IGSF21: variants seen among roughly 807,000 people sequenced by gnomAD.
IGSF21 encodes the protein immunoglobin superfamily member 21.
In IGSF21, 28 loss-of-function variants were observed where a neutral mutation model predicts 46.8. The observed-to-expected ratio is 0.60, with a 90% CI of 0.44 to 0.82. The LOEUF is 0.82. IGSF21 is among the 40% of genes least tolerant of loss of function. The pLI is 0.00. For missense variants in IGSF21, 624 were observed against 665.5 expected (o/e 0.94, Z 0.69); for synonymous variants, 284 against 273.6 (o/e 1.04, Z -0.38).
intron 1 of IGSF21, among the ~76,000 whole-genome samples, chr1:18,118,464 C>T (rs1015640213): frequency 6.6e-6 from 1 of 152,160 alleles, no homozygotes; most frequent in Non-Finnish European, 1.5e-5. Context: ...CTGGTTTTGT[C>T]GAGTGGGTAT....
At chr1:18,301,813 G>A (rs2085364783) in intron 3 of IGSF21, among the ~76,000 whole-genome samples, 1 of 152,156 alleles carries the variant, frequency 6.6e-6, no homozygotes, top group South Asian at 2.1e-4. Flanking sequence ...ACCTTAAAAA[G>A]AGCCACAGCT....
intron 2 of IGSF21, among the ~76,000 whole-genome samples, chr1:18,288,118 G>A (rs2085233296): frequency 6.6e-6 from 1 of 152,188 alleles, no homozygotes; most frequent in Admixed American, 6.5e-5. Flanking sequence ...ACTGAGACTA[G>A]GGGAGGTGGA....
At chr1:18,236,728 G>A (rs1259021633) in intron 2 of IGSF21, among the ~76,000 whole-genome samples, 1 of 47,742 alleles carries the variant, frequency 2.1e-5, no homozygotes, top group Non-Finnish European at 7.6e-5. Flanking sequence ...TGAAGACGGT[G>A]AGGAGTGGAG....
At chr1:18,272,724 G>A (rs1475618354) in intron 2 of IGSF21, among the ~76,000 whole-genome samples, 1 of 152,236 alleles carries the variant, frequency 6.6e-6, no homozygotes, top group Non-Finnish European at 1.5e-5. Flanking sequence ...CCCTGGGGCA[G>A]TGGAGAGGGG....
intron 6 of IGSF21, among the ~76,000 whole-genome samples, chr1:18,372,507 TGGATGGAA>T (rs2086234136): frequency 2.9e-5 from 4 of 139,422 alleles, no homozygotes; most frequent in Admixed American, 7.5e-5. Flanking sequence ...AATGCTTGGA[TGGATGGAA>T]GGATGGATGG....
At chr1:18,261,367 A>C (rs1196508935) in intron 2 of IGSF21, among the ~76,000 whole-genome samples, 1 of 152,196 alleles carries the variant, frequency 6.6e-6, no homozygotes, top group Non-Finnish European at 1.5e-5. Context: ...GACCAAACTG[A>C]GGACTAGCTA....
intron 2 of IGSF21, among the ~76,000 whole-genome samples, chr1:18,273,685 T>C (rs558069847): frequency 3.3e-5 from 5 of 152,096 alleles, no homozygotes; most frequent in Admixed American, 6.5e-5. Context: ...AAGATTTTTT[T>C]TTTTAATATA....
At chr1:18,321,269 G>A (rs2085598199) in intron 3 of IGSF21, among the ~76,000 whole-genome samples, 1 of 152,236 alleles carries the variant, frequency 6.6e-6, no homozygotes, top group Non-Finnish European at 1.5e-5. Context: ...TAGAGCCACA[G>A]TCTGATGCCT....
rs141567401 is a variant in IGSF21 at position 18,302,071 on chromosome 1, C to T, written c.305+10084C>T. On this transcript the variant is annotated intron_variant, in intron 3 of 9. Coordinates refer to ENST00000251296, the MANE Select transcript of IGSF21 (RefSeq NM_032880.5). ...TTCCCCTGCCCCTGGCACCTTCTCA[C>T]TGCCTCCCCCATACCGGCATTGACC... Among the ~76,000 whole-genome samples the T allele has an allele frequency of 5.9e-5, 9 of 152,304 alleles. No individual in the cohort carries two copies. The East Asian group carries it at 1.7e-3, about 29-fold the overall frequency.
At chr1:18,129,651 G>A (rs1036526778) in intron 1 of IGSF21, among the ~76,000 whole-genome samples, 2 of 152,194 alleles carry the variant, frequency 1.3e-5, no homozygotes, top group African/African-American at 4.8e-5. Flanking sequence ...GCCTCAGCAG[G>A]TGCAGTCTCG....
intron 2 of IGSF21, among the ~76,000 whole-genome samples, chr1:18,258,391 G>C (rs1232338524): frequency 1.3e-5 from 2 of 152,238 alleles, no homozygotes; most frequent in African/African-American, 4.8e-5. Context: ...GGTGGACCCT[G>C]TAGCCTTTGG....
chr1:18,256,636 C>T (rs1052307235), intron 2 of IGSF21, among the ~76,000 whole-genome samples: 1 of 152,184 alleles, frequency 6.6e-6, no homozygotes, highest in African/African-American at 2.4e-5. Context: ...TCTGAATCCA[C>T]GATCTGCCCT....
At chr1:18,342,429 C>T (rs1472627676) in intron 4 of IGSF21, among the ~76,000 whole-genome samples, 1 of 152,166 alleles carries the variant, frequency 6.6e-6, no homozygotes, top group African/African-American at 2.4e-5. Flanking sequence ...TATTGAGATA[C>T]AATTCCTATA....
rs540276308 is a variant in IGSF21, at chr1:18,175,530, G to T, written c.71-52368G>T. Among the ~76,000 whole-genome samples, 3 of 152,260 alleles carry T rather than the reference G, an allele frequency of 2.0e-5. No homozygotes were observed. The East Asian group carries it at 5.8e-4, about 30-fold the overall frequency. On this transcript the variant is annotated intron_variant, in intron 1 of 9. Coordinates refer to ENST00000251296, the MANE Select transcript of IGSF21 (RefSeq NM_032880.5). ...CGGGGAGAGGGGTGCAGACATCCAA[G>T]GTTAAAGGCAGGAGGGGTCAGTCTG...
At chr1:18,161,498 A>T (rs9662108) in intron 1 of IGSF21, among the ~76,000 whole-genome samples, 2 of 151,872 alleles carry the variant, frequency 1.3e-5, no homozygotes, top group Non-Finnish European at 2.9e-5. Flanking sequence ...CCTTCCCCCC[A>T]GCCCACTTTC....
rs74941517 is a variant in IGSF21, at chr1:18,247,835, G to A, written c.183+19825G>A. On this transcript the variant is annotated intron_variant, in intron 2 of 9. Transcript: ENST00000251296. Reference sequence around the variant, plus strand: ...GATGAGGAGACAGAGACACAGAAAGGCAATCATTTGCTCAAGATCCCACAG... The same window carrying A: ...GATGAGGAGACAGAGACACAGAAAGACAATCATTTGCTCAAGATCCCACAG... 5.2e-3 allele frequency among the ~76,000 whole-genome samples: 798 copies of A among 152,242 alleles called. 7 individuals carry two copies. The highest frequency in any genetic ancestry group is 0.024 in the Middle Eastern group (7 of 294).
At chr1:18,349,983 G>A (rs2085934894) in intron 4 of IGSF21, among the ~76,000 whole-genome samples, 1 of 152,186 alleles carries the variant, frequency 6.6e-6, no homozygotes, top group Non-Finnish European at 1.5e-5. Context: ...AGGTTACCCA[G>A]CTGGTAGGTG....
rs2085759374 is a variant in IGSF21, at chr1:18,335,723, AATACGTATC to A, written c.424+715_424+723del. On this transcript the variant is annotated intron_variant, in intron 4 of 9. Transcript: ENST00000251296. This position sits in a 1 kb window ranked among gnomAD's most constrained non-coding sequence, Gnocchi z 4.8. Reference sequence around the variant, plus strand: ...GTGTTCTCCGGTTTTCTTATCAAATAATACGTATCAGGGAAACAAAGCTTGCGGTACACA... The same window carrying A: ...GTGTTCTCCGGTTTTCTTATCAAATAAGGGAAACAAAGCTTGCGGTACACA... Among the ~76,000 whole-genome samples, 1 of 152,156 alleles carries A rather than the reference AATACGTATC, an allele frequency of 6.6e-6. No individual in the cohort carries two copies. The highest frequency in any genetic ancestry group is 2.1e-4 in the South Asian group (1 of 4,826).
chr1:18,203,521 T>G (rs564619119), intron 1 of IGSF21, among the ~76,000 whole-genome samples: 1 of 152,294 alleles, frequency 6.6e-6, no homozygotes, highest in Non-Finnish European at 1.5e-5. Context: ...GTTGGCCAGG[T>G]TGGCCTTGAA....
Sources: gnomAD v4.1 joint callset for allele counts (sites outside exome capture counted in the v4.1 genomes callset) on GRCh38, gnomAD v4.1.1 for gene constraint, Gnocchi (gnomAD v3.1) non-coding constraint, MANE v1.5 for transcripts, NCBI Gene and HGNC (gene_info 2026-07-23, HGNC 2026-07-21) for gene names.